Variants in EMSY observed in about 807,000 individuals in gnomAD.
The protein encoded by EMSY is BRCA2-interacting transcriptional repressor EMSY.
EMSY carries 26 observed loss-of-function variants against 134.6 expected under a neutral mutation model. The observed-to-expected ratio is 0.19, with a 90% CI of 0.14 to 0.27. The LOEUF (loss-of-function observed/expected upper bound fraction) is 0.27, where lower values mean the gene tolerates loss of function less well. Ranked by LOEUF, EMSY falls within the 10% of genes least tolerant of loss-of-function variation. The pLI, the probability that EMSY is intolerant of heterozygous loss-of-function variation, is 1.00. For missense variants in EMSY, 1,305 were observed against 1,611.4 expected (o/e 0.81, Z 3.26); for synonymous variants, 579 against 577.8 (o/e 1.00, Z -0.03).
chr11:76,512,571 G>A (rs1950314458), intron 9 of EMSY, among the ~76,000 whole-genome samples: 1 of 150,410 alleles, frequency 6.6e-6, no homozygotes, highest in Non-Finnish European at 1.5e-5. Flanking sequence ...ATTTGTTTCA[G>A]CCTCAAAGAG....
chr11:76,500,643 A>G (rs1949826103), intron 9 of EMSY, among the ~76,000 whole-genome samples: 2 of 152,216 alleles, frequency 1.3e-5, no homozygotes, highest in African/African-American at 2.4e-5. Context: ...AGAGTAATCA[A>G]CCAGCAGTTA....
At chr11:76,490,135 T>G (rs11236765) in intron 8 of EMSY, among the ~76,000 whole-genome samples, 3 of 152,118 alleles carry the variant, frequency 2.0e-5, no homozygotes, top group African/African-American at 7.2e-5. Flanking sequence ...TGTTCCTTGT[T>G]CCTTTTGGTC....
intron 2 of EMSY, among the ~76,000 whole-genome samples, chr11:76,449,589 T>G (rs1565266770): frequency 6.6e-6 from 1 of 152,194 alleles, no homozygotes. Context: ...GGCATTGCCA[T>G]TCTCCTAAAC....
chr11:76,528,425 A>G, exon 14 of EMSY: 1 of 1,611,608 alleles, frequency 6.2e-7, no homozygotes, highest in Non-Finnish European at 8.5e-7. Context: ...AATTATACAG[A>G]TAGTAGTTCC....
At chr11:76,529,280 A>G (rs1950950252) in intron 14 of EMSY, among the ~76,000 whole-genome samples, 1 of 151,300 alleles carries the variant, frequency 6.6e-6, no homozygotes. Context: ...TTCTTTCCAC[A>G]CTCTCTCCAT....
chr11:76,549,675 G>A (rs978231986), intron 20 of EMSY, among the ~76,000 whole-genome samples: 2 of 152,158 alleles, frequency 1.3e-5, no homozygotes, highest in Non-Finnish European at 2.9e-5. Flanking sequence ...CTGACCAACT[G>A]TGTGACTTTG....
Position 76,522,352 on chromosome 11 carries a change from C to CTTTTTTTTTTTTTTT in EMSY, c.1685-787_1685-773dup, listed in dbSNP as rs71040003. On this transcript the variant is annotated intron_variant, in intron 11 of 20. Transcript: ENST00000334736. ...CTTGTTTTGTATATCGTTTACTTTGCTTTTTTTTTTTTTTTTTTTTTTTTT... is the reference window on the plus strand; with the variant it reads ...CTTGTTTTGTATATCGTTTACTTTGCTTTTTTTTTTTTTTTTTTTTTTTTTTTTTTTTTTTTTTTT... Among the ~76,000 whole-genome samples the CTTTTTTTTTTTTTTT allele has an allele frequency of 9.0e-5, 4 of 44,246 alleles. 1 individual carries two copies. The highest frequency in any genetic ancestry group is 1.1e-4 in the Non-Finnish European group (3 of 26,566). 29.0% of individuals were successfully genotyped at this position (44,246 alleles called of 152,430 possible). A position where few individuals can be genotyped will look rare whatever the true frequency, so the allele number is the denominator to read the frequency against.
At chr11:76,472,956 A>G in intron 8 of EMSY, 116 bp downstream of exon 9, 2 of 1,076,826 alleles carry the variant, frequency 1.9e-6, no homozygotes, top group Non-Finnish European at 2.7e-6. Context: ...TAGACCCAAG[A>G]TCACCACCCC....
At chr11:76,488,009 T>C (rs187816093) in intron 8 of EMSY, among the ~76,000 whole-genome samples, 1 of 152,368 alleles carries the variant, frequency 6.6e-6, no homozygotes, top group African/African-American at 2.4e-5. Flanking sequence ...AAAATGTTCT[T>C]TGAACTTCAT....
intron 9 of EMSY, among the ~76,000 whole-genome samples, chr11:76,498,488 T>C (rs1291303749): frequency 1.3e-5 from 2 of 152,208 alleles, no homozygotes; most frequent in Non-Finnish European, 1.5e-5. Context: ...TTTTGCTACA[T>C]GTATTATATT....
At chr11:76,521,069 A>G (rs1025221813) in intron 11 of EMSY, among the ~76,000 whole-genome samples, 2 of 152,212 alleles carry the variant, frequency 1.3e-5, no homozygotes, top group Non-Finnish European at 2.9e-5. Context: ...GGCGTATGTT[A>G]GTTAATTCTA....
At chr11:76,496,219 A>G (rs763229879) in exon 9 of EMSY, 14 of 1,613,484 alleles carry the variant, frequency 8.7e-6, no homozygotes, top group Middle Eastern at 1.6e-4. Context: ...CTACAGGTGT[A>G]TCTACATCAG....
At chr11:76,466,734 G>A (rs1001767269) in intron 7 of EMSY, among the ~76,000 whole-genome samples, 17 of 152,092 alleles carry the variant, frequency 1.1e-4, no homozygotes, top group African/African-American at 4.1e-4. Context: ...TGAAGATGAG[G>A]GATTATGGTA....
rs1047349603 is a variant in EMSY, at chr11:76,510,915, A to C, written c.1364-2471A>C. On this transcript the variant is annotated intron_variant, in intron 9 of 20. Transcript: ENST00000334736. ...GAAATGCTCTTGGTTTAAATACCAC[A>C]GATTTTGCCTTTCTCAATGAATTTT... Among the ~76,000 whole-genome samples, 5 of 152,202 alleles carry C rather than the reference A, an allele frequency of 3.3e-5. No homozygotes were observed. The South Asian group carries it at 1.0e-3, about 32-fold the overall frequency.
intron 8 of EMSY, among the ~76,000 whole-genome samples, chr11:76,482,148 G>A (rs1315301370): frequency 2.0e-5 from 3 of 152,260 alleles, no homozygotes; most frequent in Non-Finnish European, 4.4e-5. Flanking sequence ...CAGACCTGCA[G>A]CAGAAGGGCC....
At chr11:76,475,931 G>T (rs1843118503) in intron 8 of EMSY, among the ~76,000 whole-genome samples, 1 of 152,210 alleles carries the variant, frequency 6.6e-6, no homozygotes, top group Non-Finnish European at 1.5e-5. Context: ...CTCCATGTTT[G>T]TAAGTGTAGT....
intron 2 of EMSY, among the ~76,000 whole-genome samples, chr11:76,450,518 G>A (rs539283663): frequency 6.7e-6 from 1 of 150,258 alleles, no homozygotes; most frequent in Non-Finnish European, 1.5e-5. Context: ...CTGAGACAGA[G>A]TCTTACTCTG....
At chr11:76,508,432 CT>C (rs1950159542) in intron 9 of EMSY, among the ~76,000 whole-genome samples, 1 of 151,758 alleles carries the variant, frequency 6.6e-6, no homozygotes, top group Admixed American at 6.6e-5. Flanking sequence ...GTCATCCAGG[CT>C]TTGTTGTTTC....
chr11:76,551,089 CTT>C (rs1287465743), exon 21 of EMSY: 1 of 152,688 alleles, frequency 6.5e-6, no homozygotes, highest in Non-Finnish European at 1.5e-5. Context: ...TTGAAAATAA[CTT>C]TTACATACTT....
Sources: gnomAD v4.1 joint callset for allele counts (sites outside exome capture counted in the v4.1 genomes callset) on GRCh38, gnomAD v4.1.1 for gene constraint, MANE v1.5 for transcripts, NCBI Gene and HGNC (gene_info 2026-07-23, HGNC 2026-07-21) for gene names.